The following CRTAC1 variants were observed in gnomAD, a reference collection of about 807,000 sequenced individuals.
CRTAC1 encodes acidic secreted protein in cartilage.
In CRTAC1, 37 loss-of-function variants were observed where a neutral mutation model predicts 67.8. The ratio of observed to expected loss-of-function variants is 0.55; its 90% CI spans 0.42 to 0.72. CRTAC1 has a LOEUF of 0.72. Ranked by LOEUF, CRTAC1 falls within the 30% of genes least tolerant of loss-of-function variation. CRTAC1 has a pLI of 0.00. For synonymous variants in CRTAC1, 348 were observed against 371.0 expected (o/e 0.94, Z 0.71); for missense variants, 780 against 931.6 (o/e 0.84, Z 2.12).
intron 8 of CRTAC1, among the ~76,000 whole-genome samples, chr10:97,897,396 T>C (rs1242592000): frequency 1.3e-5 from 2 of 152,182 alleles, no homozygotes; most frequent in Admixed American, 6.5e-5. Context: ...TCTTGGACCA[T>C]CCTGCTGGAA....
At chr10:97,882,675 T>C (rs1352670182) in intron 13 of CRTAC1, 111 bp downstream of exon 13, 1 of 1,092,258 alleles carries the variant, frequency 9.2e-7, no homozygotes, top group African/African-American at 2.0e-5. Context: ...CCCTCCCCTG[T>C]CCTCCTTTCT....
rs56001448 is a variant in CRTAC1 at position 97,890,090 on chromosome 10, T to TACACACACACACAC, written c.1486+5141_1486+5154dup. Reference sequence around the variant, plus strand: ...GACTTGGTATGCTGTCCAGGATGTGTACACACACACACACACACACACACA... The same window carrying TACACACACACACAC: ...GACTTGGTATGCTGTCCAGGATGTGTACACACACACACACACACACACACACACACACACACACA... On this transcript the variant is annotated intron_variant, in intron 11 of 14. Coordinates refer to ENST00000370597, the MANE Select transcript of CRTAC1 (RefSeq NM_018058.7). 2.8e-3 allele frequency among the ~76,000 whole-genome samples: 419 copies of TACACACACACACAC among 150,464 alleles called. 2 individuals carry two copies. Among genetic ancestry groups the TACACACACACACAC allele is most frequent in the African/African-American group, 8.7e-3 (356 of 40,952 alleles).
chr10:98,019,226 C>G (rs1010989726), intron 1 of CRTAC1, among the ~76,000 whole-genome samples: 6 of 152,276 alleles, frequency 3.9e-5, no homozygotes, highest in Middle Eastern at 6.8e-3. Context: ...GAGGACCCAG[C>G]CTTCACCCAG....
intron 1 of CRTAC1, among the ~76,000 whole-genome samples, chr10:98,013,679 G>T (rs534036801): frequency 4.3e-4 from 66 of 152,278 alleles, no homozygotes; most frequent in Non-Finnish European, 7.2e-4. Context: ...TGAATTAAAA[G>T]ATTTTGTTTT....
At chr10:98,011,486 G>A in intron 1 of CRTAC1, 149 bp from the exon 2 acceptor site, 1 of 810,836 alleles carries the variant, frequency 1.2e-6, no homozygotes, top group Admixed American at 2.4e-5. Context: ...CACAAGCCCT[G>A]CCCTCCCCTC....
intron 4 of CRTAC1, among the ~76,000 whole-genome samples, chr10:97,919,450 A>G (rs1333902832): frequency 6.6e-6 from 1 of 152,238 alleles, no homozygotes; most frequent in Non-Finnish European, 1.5e-5. Context: ...ATGTTGCTGG[A>G]ATATAAAATG....
intron 2 of CRTAC1, among the ~76,000 whole-genome samples, chr10:97,987,226 A>G (rs1590266313): frequency 6.6e-6 from 1 of 152,342 alleles, no homozygotes; most frequent in South Asian, 2.1e-4. Flanking sequence ...GTCCCCAGAG[A>G]CATGCCCTGG....
intron 2 of CRTAC1, among the ~76,000 whole-genome samples, chr10:97,951,870 G>A (rs2051361275): frequency 6.6e-6 from 1 of 152,048 alleles, no homozygotes; most frequent in Non-Finnish European, 1.5e-5. Flanking sequence ...GCATTTTTGG[G>A]GAGCACATCA....
At chr10:98,011,081 C>T (rs951805899) in intron 2 of CRTAC1, 57 bp downstream of exon 2, 1 of 1,489,714 alleles carries the variant, frequency 6.7e-7, no homozygotes, top group Non-Finnish European at 9.4e-7. Flanking sequence ...TGTTACACAG[C>T]CTTATTACAG....
At chr10:98,017,926 G>C (rs1843032087) in intron 1 of CRTAC1, among the ~76,000 whole-genome samples, 1 of 151,838 alleles carries the variant, frequency 6.6e-6, no homozygotes, top group African/African-American at 2.4e-5. Flanking sequence ...GCCAGGCATG[G>C]TGGCTCATGC....
rs899291015 is a variant in CRTAC1, at chr10:97,965,538, T to G, written c.225-29172A>C. Among the ~76,000 whole-genome samples, 8 of 152,212 alleles carry G rather than the reference T, an allele frequency of 5.3e-5. No homozygotes were observed. In the South Asian group the frequency reaches 1.0e-3, roughly 20 times the overall value. On this transcript the variant is annotated intron_variant, in intron 2 of 14. Transcript: ENST00000370597. ...CCAGAGGCAACCCTTTGCTTTTTCT[T>G]TCTTTCTTTCTTCTTTTTTGGTAAG...
In CRTAC1 at chr10:97,949,598, T is replaced by C. The variant is rs74762659; in HGVS notation, c.225-13232A>G. Among the ~76,000 whole-genome samples the C allele has an allele frequency of 4.3e-4, 66 of 152,168 alleles. 1 individual carries two copies. In the East Asian group the frequency reaches 0.012, roughly 29 times the overall value. On this transcript the variant is annotated intron_variant, in intron 2 of 14. Coordinates refer to ENST00000370597, the MANE Select transcript of CRTAC1 (RefSeq NM_018058.7). ...GCTCTCCAGAGTGAGGTGAGTTCTGTGGGGGTAGCACAGAGTGGCGGAGAG... is the reference window on the plus strand; with the variant it reads ...GCTCTCCAGAGTGAGGTGAGTTCTGCGGGGGTAGCACAGAGTGGCGGAGAG...
At chr10:97,888,708 G>A (rs1381171026) in intron 11 of CRTAC1, among the ~76,000 whole-genome samples, 1 of 152,080 alleles carries the variant, frequency 6.6e-6, no homozygotes, top group East Asian at 1.9e-4. Flanking sequence ...GGGCTGAGGG[G>A]GACTGGCTCC....
At chr10:98,004,410 C>A (rs1047956984) in intron 2 of CRTAC1, among the ~76,000 whole-genome samples, 6 of 152,172 alleles carry the variant, frequency 3.9e-5, no homozygotes, top group Non-Finnish European at 7.3e-5. Flanking sequence ...TGGCTGTACA[C>A]ACAGTAGGTG....
chr10:97,922,779 C>T (rs1046922836), intron 4 of CRTAC1, among the ~76,000 whole-genome samples: 1 of 152,166 alleles, frequency 6.6e-6, no homozygotes, highest in Admixed American at 6.5e-5. Context: ...TTGAGGCAAC[C>T]CTCCCTTCAC....
intron 11 of CRTAC1, among the ~76,000 whole-genome samples, chr10:97,890,691 G>A (rs1312104082): frequency 6.7e-6 from 1 of 149,748 alleles, no homozygotes; most frequent in Non-Finnish European, 1.5e-5. Context: ...TTTTGAGACG[G>A]AGTTTCGCTT....
chr10:97,941,765 C>A (rs1311723708), intron 2 of CRTAC1, among the ~76,000 whole-genome samples: 1 of 152,218 alleles, frequency 6.6e-6, no homozygotes, highest in Non-Finnish European at 1.5e-5. Flanking sequence ...CCTCACTTGA[C>A]CGTCCCCTAA....
intron 2 of CRTAC1, among the ~76,000 whole-genome samples, chr10:97,939,821 C>T (rs927588062): frequency 4.6e-5 from 7 of 152,138 alleles, no homozygotes; most frequent in Non-Finnish European, 1.0e-4. Context: ...AATGCCTGCC[C>T]CGACTGCCCC....
intron 14 of CRTAC1, among the ~76,000 whole-genome samples, chr10:97,873,106 T>C (rs1206692635): frequency 6.6e-6 from 1 of 152,178 alleles, no homozygotes; most frequent in East Asian, 1.9e-4. Context: ...TATCACTGCC[T>C]CTATTTTGTG....
Sources: allele counts gnomAD v4.1 joint callset (sites outside exome capture counted in the v4.1 genomes callset), GRCh38; gene constraint gnomAD v4.1.1; transcripts MANE v1.5; gene names NCBI Gene and HGNC (gene_info 2026-07-23, HGNC 2026-07-21).